The following RBFOX1 variants were observed in gnomAD, a reference collection of about 807,000 sequenced individuals.
The protein encoded by RBFOX1 is RNA binding protein fox-1 homolog 1.
A neutral mutation model predicts 57.7 loss-of-function variants in RBFOX1; 8 were observed. That is an observed-to-expected ratio of 0.14 (90% confidence interval 0.08 to 0.25). The LOEUF is 0.25. RBFOX1 is among the 10% of genes least tolerant of loss of function. RBFOX1 has a pLI of 1.00. For missense variants in RBFOX1, 611 were observed against 548.5 expected (o/e 1.11, Z -1.14); for synonymous variants, 326 against 222.4 (o/e 1.47, Z -4.15).
chr16:6,480,145 C>G (rs1036206269), intron 2 of RBFOX1, among the ~76,000 whole-genome samples: 1 of 151,722 alleles, frequency 6.6e-6, no homozygotes, highest in African/African-American at 2.4e-5. Flanking sequence ...CTAGTTTTTA[C>G]CTGAGTTTGA....
intron 4 of RBFOX1, among the ~76,000 whole-genome samples, chr16:5,930,642 T>A (rs1466792665): frequency 4.4e-4 from 32 of 72,838 alleles, no homozygotes; most frequent in East Asian, 9.0e-4. Context: ...GGATGCATGG[T>A]TGGGTAGGTG....
intron 3 of RBFOX1, among the ~76,000 whole-genome samples, chr16:6,859,868 T>G (rs1174291019): frequency 2.6e-5 from 4 of 152,330 alleles, no homozygotes; most frequent in African/African-American, 9.6e-5. Context: ...AGCTTGCTTT[T>G]CCTTTGAGTT....
chr16:5,479,028 C>G (rs1010776707), intron 2 of RBFOX1, among the ~76,000 whole-genome samples: 1 of 152,196 alleles, frequency 6.6e-6, no homozygotes, highest in Non-Finnish European at 1.5e-5. Flanking sequence ...AATTTCCTCA[C>G]AAATTATCTT....
At chr16:6,836,077 C>T (rs138888713) in intron 3 of RBFOX1, among the ~76,000 whole-genome samples, 97 of 152,332 alleles carry the variant, frequency 6.4e-4, no homozygotes, top group African/African-American at 2.3e-3. Context: ...AGCTCTGCTA[C>T]AAAACGCCTG....
At chr16:6,274,503 G>C (rs566312390) in intron 1 of RBFOX1, among the ~76,000 whole-genome samples, 1 of 152,304 alleles carries the variant, frequency 6.6e-6, no homozygotes, top group East Asian at 1.9e-4. Context: ...ATGGAGAACA[G>C]ATTAGTCATT....
intron 3 of RBFOX1, among the ~76,000 whole-genome samples, chr16:6,981,863 G>C (rs1203618427): frequency 6.6e-6 from 1 of 152,192 alleles, no homozygotes; most frequent in Non-Finnish European, 1.5e-5. Flanking sequence ...CTACACTGAT[G>C]ACATTTAAGT....
intron 1 of RBFOX1, among the ~76,000 whole-genome samples, chr16:5,261,385 A>G (rs2062727830): frequency 6.6e-6 from 1 of 151,994 alleles, no homozygotes; most frequent in South Asian, 2.1e-4. Context: ...GTTTTTTTTA[A>G]AGAGCTCAGA....
intron 3 of RBFOX1, among the ~76,000 whole-genome samples, chr16:5,830,680 G>A (rs926274549): frequency 6.6e-6 from 1 of 152,174 alleles, no homozygotes; most frequent in Non-Finnish European, 1.5e-5. Flanking sequence ...AATCATGTCA[G>A]TGTGTCCTCT....
intron 3 of RBFOX1, among the ~76,000 whole-genome samples, chr16:5,718,628 T>C (rs1302123894): frequency 2.0e-5 from 3 of 152,214 alleles, no homozygotes; most frequent in African/African-American, 7.2e-5. Flanking sequence ...CTGGCCTGGC[T>C]GGACATGGTA....
At chr16:6,526,528 C>G (rs1297820454) in intron 2 of RBFOX1, among the ~76,000 whole-genome samples, 1 of 151,976 alleles carries the variant, frequency 6.6e-6, no homozygotes, top group African/African-American at 2.4e-5. Context: ...TCATTTAATT[C>G]TTAATGAAAT....
At chr16:6,964,805 A>C (rs2083752182) in intron 3 of RBFOX1, among the ~76,000 whole-genome samples, 1 of 152,188 alleles carries the variant, frequency 6.6e-6, no homozygotes. Flanking sequence ...CTTAAAGCTA[A>C]GAAAGGCCTT....
intron 1 of RBFOX1, among the ~76,000 whole-genome samples, chr16:6,069,040 G>C (rs2095802220): frequency 6.6e-6 from 1 of 152,038 alleles, no homozygotes; most frequent in African/African-American, 2.4e-5. Context: ...AAGGGAGAAA[G>C]GAAGGGAAGG....
At chr16:7,036,710 C>CAAA (rs201003396) in intron 3 of RBFOX1, among the ~76,000 whole-genome samples, 3 of 128,102 alleles carry the variant, frequency 2.3e-5, no homozygotes, top group African/African-American at 7.9e-5. Flanking sequence ...AACAAACAAA[C>CAAA]AAAAAAAACA....
chr16:6,445,595 T>G (rs1019662238), intron 2 of RBFOX1, among the ~76,000 whole-genome samples: 3 of 151,174 alleles, frequency 2.0e-5, no homozygotes, highest in Admixed American at 2.0e-4. Context: ...AGATGGAGTT[T>G]TTTTTTGAGA....
intron 12 of RBFOX1, among the ~76,000 whole-genome samples, chr16:7,654,331 G>A (rs1019796931): frequency 2.0e-5 from 3 of 152,134 alleles, no homozygotes; most frequent in African/African-American, 7.2e-5. Flanking sequence ...AAGAAGTGAG[G>A]TTTTCATACA....
At chr16:7,067,674 A>T (rs1307259492) in intron 4 of RBFOX1, among the ~76,000 whole-genome samples, 1 of 137,930 alleles carries the variant, frequency 7.3e-6, no homozygotes, top group Non-Finnish European at 1.6e-5. Context: ...TCCCAAAGCT[A>T]TCCCTCCCCC....
chr16:5,284,029 A>G (rs148491738), intron 1 of RBFOX1, among the ~76,000 whole-genome samples: 73 of 152,222 alleles, frequency 4.8e-4, no homozygotes, highest in Non-Finnish European at 7.8e-4. Context: ...TCATGGGGGC[A>G]TGTCTTTCCC....
At chr16:5,843,056 T>C (rs559510463) in intron 3 of RBFOX1, among the ~76,000 whole-genome samples, 5 of 152,300 alleles carry the variant, frequency 3.3e-5, no homozygotes, top group Non-Finnish European at 5.9e-5. Flanking sequence ...CTCGAACTCC[T>C]GACCTCGTGA....
intron 4 of RBFOX1, among the ~76,000 whole-genome samples, chr16:7,336,527 T>C (rs1200695923): frequency 6.6e-6 from 1 of 152,234 alleles, no homozygotes; most frequent in Non-Finnish European, 1.5e-5. Context: ...CACTGTATAC[T>C]CAACCTATAA....
Sources: allele counts gnomAD v4.1 joint callset (sites outside exome capture counted in the v4.1 genomes callset), GRCh38; gene constraint gnomAD v4.1.1; transcripts MANE v1.5; gene names NCBI Gene and HGNC (gene_info 2026-07-23, HGNC 2026-07-21).